Variants in KIF6 observed in about 807,000 individuals in gnomAD.
The protein encoded by KIF6 is kinesin-like protein KIF6.
In KIF6, 106 loss-of-function variants were observed where a neutral mutation model predicts 112.7. The ratio of observed to expected loss-of-function variants is 0.94; its 90% CI spans 0.80 to 1.11. KIF6 has a LOEUF of 1.11. Among genes scored for constraint, KIF6 ranks in the 50% least tolerant of loss-of-function variants. KIF6 has a pLI of 0.00. For synonymous variants in KIF6, 339 were observed against 339.9 expected, an observed-to-expected ratio of 1.00 and a Z score of 0.03; for missense variants, 929 against 964.0, an observed-to-expected ratio of 0.96 and a Z score of 0.48.
rs574638149 is a variant in KIF6, at chr6:39,335,438, G to A, written c.*1094C>T. The stretch of plus-strand genomic sequence containing the variant: ...ATCCTGTTACCCAGTCCTAAAAAAC[G>A]AAAAAGAAAATCAAGCCAATTATAC... On this transcript the variant is annotated 3_prime_UTR_variant, in exon 23 of 23. Transcript: ENST00000287152. 20 of 152,242 alleles carry A rather than the reference G, an allele frequency of 1.3e-4. No individual in the cohort carries two copies. The highest frequency in any genetic ancestry group is 4.6e-4 in the African/African-American group (19 of 41,528). 9.4% of individuals were successfully genotyped at this position (152,242 alleles called of 1,614,324 possible).
intron 13 of KIF6, among the ~76,000 whole-genome samples, chr6:39,458,025 G>C (rs1414430692): frequency 2.0e-5 from 3 of 151,720 alleles, no homozygotes; most frequent in African/African-American, 7.3e-5. Context: ...ATTTTATGAG[G>C]CCAGTATCAT....
At chr6:39,497,488 A>G (rs1775854733) in intron 13 of KIF6, among the ~76,000 whole-genome samples, 1 of 152,208 alleles carries the variant, frequency 6.6e-6, no homozygotes, top group Non-Finnish European at 1.5e-5. Flanking sequence ...GTTTGTGTGG[A>G]AAGGAAGAAA....
chr6:39,529,141 C>A (rs931762472), intron 13 of KIF6, among the ~76,000 whole-genome samples: 2 of 152,122 alleles, frequency 1.3e-5, no homozygotes, highest in African/African-American at 4.8e-5. Flanking sequence ...TATCTCACAC[C>A]ATATTCAGAA....
At chr6:39,405,905 G>A (rs1420396105) in intron 15 of KIF6, among the ~76,000 whole-genome samples, 1 of 152,154 alleles carries the variant, frequency 6.6e-6, no homozygotes, top group African/African-American at 2.4e-5. Context: ...TCTTGAATGA[G>A]TTTTGGTAGT....
At chr6:39,575,766 C>T (rs1486654867) in intron 10 of KIF6, among the ~76,000 whole-genome samples, 1 of 152,160 alleles carries the variant, frequency 6.6e-6, no homozygotes, top group Non-Finnish European at 1.5e-5. Flanking sequence ...ACCAAATGCT[C>T]ATTGGCTGTT....
At chr6:39,488,941 A>G (rs1775299619) in intron 13 of KIF6, among the ~76,000 whole-genome samples, 1 of 152,130 alleles carries the variant, frequency 6.6e-6, no homozygotes, top group South Asian at 2.1e-4. Flanking sequence ...TGATTCCCAA[A>G]CCTTTATGAT....
intron 7 of KIF6, among the ~76,000 whole-genome samples, chr6:39,591,719 G>C (rs1287243644): frequency 6.6e-6 from 1 of 152,242 alleles, no homozygotes; most frequent in Non-Finnish European, 1.5e-5. Flanking sequence ...ATTCAGGAAA[G>C]AGGCAGAGGT....
chr6:39,367,897 C>T (rs1765689954), intron 16 of KIF6, among the ~76,000 whole-genome samples: 1 of 152,168 alleles, frequency 6.6e-6, no homozygotes. Flanking sequence ...TAAAAGCACA[C>T]AGACAGCTGG....
intron 15 of KIF6, among the ~76,000 whole-genome samples, chr6:39,417,585 G>C (rs867110615): frequency 2.0e-5 from 3 of 152,150 alleles, no homozygotes; most frequent in Non-Finnish European, 4.4e-5. Context: ...GCCCTCAGTT[G>C]GTTGGCCCTT....
At chr6:39,368,840 G>A (rs1765758766) in intron 16 of KIF6, among the ~76,000 whole-genome samples, 1 of 152,214 alleles carries the variant, frequency 6.6e-6, no homozygotes, top group Non-Finnish European at 1.5e-5. Flanking sequence ...CCTCTGTAGA[G>A]CAAAGGCTGT....
At chr6:39,492,009 GC>G (rs753772193) in intron 13 of KIF6, among the ~76,000 whole-genome samples, 1 of 152,138 alleles carries the variant, frequency 6.6e-6, no homozygotes, top group Non-Finnish European at 1.5e-5. Flanking sequence ...ATCCGGAACA[GC>G]CTTTTCAGTC....
At chr6:39,435,560 T>C (rs1207788004) in intron 13 of KIF6, among the ~76,000 whole-genome samples, 1 of 151,604 alleles carries the variant, frequency 6.6e-6, no homozygotes, top group Non-Finnish European at 1.5e-5. Context: ...CCAATATCTA[T>C]TATACCACTC....
At chr6:39,417,697 C>T (rs186607814) in intron 15 of KIF6, among the ~76,000 whole-genome samples, 8 of 151,314 alleles carry the variant, frequency 5.3e-5, no homozygotes, top group African/African-American at 1.9e-4. Context: ...CACGATTGCA[C>T]CACAGTTATG....
At chr6:39,629,896 T>G (rs886860670) in intron 5 of KIF6, among the ~76,000 whole-genome samples, 8 of 152,096 alleles carry the variant, frequency 5.3e-5, no homozygotes, top group African/African-American at 1.4e-4. Context: ...TTCACTTTTT[T>G]CATGTGTGCA....
At chr6:39,510,047 A>G (rs1776674433) in intron 13 of KIF6, among the ~76,000 whole-genome samples, 1 of 151,892 alleles carries the variant, frequency 6.6e-6, no homozygotes, top group South Asian at 2.1e-4. Context: ...CAGAAACCCT[A>G]CAAGCCAGAA....
Position 39,725,401 on chromosome 6 carries a change from G to A in KIF6, c.-91C>T, listed in dbSNP as rs1790490556. 3.0e-6 allele frequency: 3 copies of A among 992,424 alleles called. No individual in the cohort carries two copies. Among genetic ancestry groups the A allele is most frequent in the Non-Finnish European group, 4.7e-6 (3 of 642,470 alleles). 61.5% of individuals were successfully genotyped at this position (992,424 alleles called of 1,614,324 possible). ...CCACCTCCGGCGACCCACAGTCTTA[G>A]CAACAGTAGCTAGGGACACTACCCA... On this transcript the variant is annotated 5_prime_UTR_variant, in exon 1 of 23. Coordinates refer to ENST00000287152, the MANE Select transcript of KIF6 (RefSeq NM_145027.6).
chr6:39,693,109 A>C (rs1403481546), intron 3 of KIF6, among the ~76,000 whole-genome samples: 6 of 152,204 alleles, frequency 3.9e-5, no homozygotes, highest in Non-Finnish European at 8.8e-5. Flanking sequence ...TGCCCCTGGG[A>C]GGTTGGTACT....
intron 13 of KIF6, among the ~76,000 whole-genome samples, chr6:39,450,473 T>G (rs563811179): frequency 6.6e-6 from 1 of 152,326 alleles, no homozygotes; most frequent in Non-Finnish European, 1.5e-5. Context: ...AAGTATGGCT[T>G]GCCCATTGAA....
intron 3 of KIF6, among the ~76,000 whole-genome samples, chr6:39,660,857 T>G (rs1378867302): frequency 1.3e-5 from 2 of 152,232 alleles, no homozygotes; most frequent in African/African-American, 4.8e-5. Flanking sequence ...CATTATGGAT[T>G]ATTCCATAAT....
Sources: allele counts gnomAD v4.1 joint callset (sites outside exome capture counted in the v4.1 genomes callset), GRCh38; gene constraint gnomAD v4.1.1; transcripts MANE v1.5; gene names NCBI Gene and HGNC (gene_info 2026-07-23, HGNC 2026-07-21).